KANSL1: variants seen among roughly 807,000 people sequenced by gnomAD.
KANSL1 encodes the protein MLL1/MLL complex subunit KANSL1.
Under a neutral mutation model 103.6 loss-of-function variants are expected in KANSL1, and 22 were observed. That is an observed-to-expected ratio of 0.21 (90% CI 0.15 to 0.30). The LOEUF (loss-of-function observed/expected upper bound fraction) is 0.30, where lower values mean the gene tolerates loss of function less well. KANSL1 is among the 10% of genes least tolerant of loss of function. The probability of loss-of-function intolerance (pLI) is 1.00; values close to 1 mark genes in which losing one functional copy is unlikely to be tolerated. For missense variants in KANSL1, 1,337 were observed against 1,399.8 expected (o/e 0.96, Z 0.72); for synonymous variants, 600 against 527.6 (o/e 1.14, Z -1.88).
intron 1 of KANSL1, among the ~76,000 whole-genome samples, chr17:46,178,282 A>G (rs915872732): frequency 6.6e-6 from 1 of 152,274 alleles, no homozygotes; most frequent in Non-Finnish European, 1.5e-5. Flanking sequence ...AAACAGCACA[A>G]CAGCCTATCT....
At chr17:46,103,450 C>T (rs1274849244) in intron 2 of KANSL1, among the ~76,000 whole-genome samples, 1 of 152,150 alleles carries the variant, frequency 6.6e-6, no homozygotes, top group East Asian at 1.9e-4. Context: ...AGAATATATA[C>T]CAGTATATTT....
At chr17:46,146,142 C>T (rs559284246) in intron 2 of KANSL1, among the ~76,000 whole-genome samples, 48 of 152,312 alleles carry the variant, frequency 3.2e-4, no homozygotes, top group African/African-American at 1.1e-3. Flanking sequence ...TCAGTAAGCA[C>T]TCAGTATTGA....
At chr17:46,196,201 G>T (rs895724957), upstream of KANSL1, 13 of 407,750 alleles carry the variant, frequency 3.2e-5, no homozygotes, top group South Asian at 2.0e-4. Flanking sequence ...TCATGCCATT[G>T]TAGTCCAACC....
chr17:46,063,897 T>C (rs976967599), intron 6 of KANSL1, among the ~76,000 whole-genome samples: 1 of 130,428 alleles, frequency 7.7e-6, no homozygotes, highest in Non-Finnish European at 1.7e-5. Flanking sequence ...GAGGTGGCGG[T>C]TTTTTTTTTT....
upstream of KANSL1, among the ~76,000 whole-genome samples, chr17:46,194,472 G>A (rs1278649048): frequency 2.6e-5 from 4 of 152,166 alleles, 1 homozygote; most frequent in East Asian, 7.7e-4. Flanking sequence ...CCCCAAAATA[G>A]GACCTTTAAA....
chr17:46,182,028 T>C (rs1357077378), intron 1 of KANSL1, among the ~76,000 whole-genome samples: 5 of 152,232 alleles, frequency 3.3e-5, no homozygotes, highest in Admixed American at 6.5e-5. Context: ...GTTCAAATTA[T>C]CTGAATTTTC....
At chr17:46,038,415 A>C in intron 10 of KANSL1, 123 bp downstream of exon 10, 1 of 1,010,898 alleles carries the variant, frequency 9.9e-7, no homozygotes. Flanking sequence ...ATATGTCATG[A>C]TGAGCTGAGA....
chr17:46,094,244 A>G, intron 3 of KANSL1: 1 of 297,916 alleles, frequency 3.4e-6, no homozygotes, highest in Non-Finnish European at 6.1e-6. Flanking sequence ...CTACAGGCAC[A>G]TGCTATCATG....
intron 2 of KANSL1, among the ~76,000 whole-genome samples, chr17:46,098,196 T>A (rs2042162660): frequency 6.7e-6 from 1 of 150,012 alleles, no homozygotes. Flanking sequence ...ACAAAACTAG[T>A]TAACCCTCGT....
intron 6 of KANSL1, among the ~76,000 whole-genome samples, chr17:46,056,333 T>C (rs1391736975): frequency 6.6e-6 from 1 of 151,936 alleles, no homozygotes; most frequent in Non-Finnish European, 1.5e-5. Flanking sequence ...ACAAATATTA[T>C]ACTCAAATCT....
intron 2 of KANSL1, among the ~76,000 whole-genome samples, chr17:46,156,354 C>T (rs2045428046): frequency 6.6e-6 from 1 of 151,860 alleles, no homozygotes; most frequent in Admixed American, 6.6e-5. Flanking sequence ...CTCAAAAAAA[C>T]ATTAACAAAG....
chr17:46,135,541 C>CTTTTTTTTT (rs2044089125), intron 2 of KANSL1, among the ~76,000 whole-genome samples: 2 of 117,648 alleles, frequency 1.7e-5, no homozygotes, highest in African/African-American at 3.4e-5. Flanking sequence ...CTCAACTATA[C>CTTTTTTTTT]ATTTTTTTTT....
intron 7 of KANSL1, chr17:46,042,862 T>C (rs1414002293): frequency 2.6e-5 from 4 of 151,672 alleles, no homozygotes; most frequent in African/African-American, 4.8e-5. Flanking sequence ...AGCTCCATGA[T>C]TGCTGGGCTT....
chr17:46,196,789 A>C (rs2047624548), upstream of KANSL1: 1 of 211,096 alleles, frequency 4.7e-6, no homozygotes, highest in African/African-American at 2.4e-5. Flanking sequence ...TTATATAACT[A>C]ATCTTATTAT....
chr17:46,050,465 G>GC (rs1224959373), intron 7 of KANSL1, 68 bp downstream of exon 7: 1 of 1,484,812 alleles, frequency 6.7e-7, no homozygotes, highest in Admixed American at 1.9e-5. Flanking sequence ...CACCTTGGCT[G>GC]ATTTTCTTTC....
At chr17:46,051,247 G>A (rs1335762184) in intron 6 of KANSL1, among the ~76,000 whole-genome samples, 1 of 152,158 alleles carries the variant, frequency 6.6e-6, no homozygotes, top group African/African-American at 2.4e-5. Context: ...CCTGAAGCTT[G>A]TAACTTAAAA....
intron 3 of KANSL1, chr17:46,093,400 C>A (rs1349035185): frequency 6.6e-6 from 1 of 152,176 alleles, no homozygotes; most frequent in Non-Finnish European, 1.5e-5. Flanking sequence ...CCTAAGGGAA[C>A]AAACTAGTAA....
intron 2 of KANSL1, among the ~76,000 whole-genome samples, chr17:46,132,713 C>G (rs957084761): frequency 2.0e-5 from 3 of 152,116 alleles, no homozygotes; most frequent in African/African-American, 7.2e-5. Context: ...TTTGGGAGGC[C>G]GAGGTGGGAG....
At chr17:46,118,983 T>TA (rs1435400377) in intron 2 of KANSL1, among the ~76,000 whole-genome samples, 7 of 152,256 alleles carry the variant, frequency 4.6e-5, no homozygotes, top group Non-Finnish European at 8.8e-5. Context: ...AAAATTGTGG[T>TA]AAAAGATCCC....
Sources: allele counts gnomAD v4.1 joint callset (sites outside exome capture counted in the v4.1 genomes callset), GRCh38; gene constraint gnomAD v4.1.1; transcripts MANE v1.5; gene names NCBI Gene and HGNC (gene_info 2026-07-23, HGNC 2026-07-21).